Variants in COL24A1 observed in about 807,000 individuals in gnomAD.
The protein encoded by COL24A1 is collagen alpha-1(XXIV) chain.
Under a neutral mutation model 253.9 loss-of-function variants are expected in COL24A1, and 224 were observed. The observed-to-expected ratio is 0.88, with a 90% CI of 0.79 to 0.99. COL24A1 has a LOEUF of 0.99. COL24A1 is among the 50% of genes least tolerant of loss of function. The probability of loss-of-function intolerance (pLI) is 0.00; values close to 1 mark genes in which losing one functional copy is unlikely to be tolerated. For missense variants in COL24A1, 2,131 were observed against 2,068.5 expected (o/e 1.03, Z -0.59); for synonymous variants, 685 against 673.7 (o/e 1.02, Z -0.26).
intron 55 of COL24A1, among the ~76,000 whole-genome samples, chr1:85,747,723 G>GT (rs1665406385): frequency 1.3e-5 from 2 of 152,056 alleles, no homozygotes; most frequent in African/African-American, 4.8e-5. Context: ...TTTAAGTCGT[G>GT]TTTTTCAAAT....
chr1:86,143,310 T>C (rs1288237695), intron 2 of COL24A1, among the ~76,000 whole-genome samples: 2 of 152,074 alleles, frequency 1.3e-5, no homozygotes. Context: ...AGAAGGAATA[T>C]CTCCAAGAAA....
chr1:86,152,702 A>G (rs1420028639), intron 1 of COL24A1, among the ~76,000 whole-genome samples: 1 of 152,216 alleles, frequency 6.6e-6, no homozygotes, highest in African/African-American at 2.4e-5. Context: ...GGAGGGAAGA[A>G]AAATACATCT....
chr1:85,862,581 A>G (rs1679282648), intron 37 of COL24A1, among the ~76,000 whole-genome samples: 1 of 152,168 alleles, frequency 6.6e-6, no homozygotes, highest in African/African-American at 2.4e-5. Context: ...TCATGTGTGA[A>G]CATATAAATC....
chr1:85,871,172 C>T (rs1030977388), intron 35 of COL24A1, among the ~76,000 whole-genome samples: 3 of 152,106 alleles, frequency 2.0e-5, no homozygotes, highest in Admixed American at 6.6e-5. Context: ...CCTGAATAGA[C>T]CAATAATAGG....
At chr1:85,827,607 T>C (rs1251273804) in intron 43 of COL24A1, among the ~76,000 whole-genome samples, 3 of 152,102 alleles carry the variant, frequency 2.0e-5, no homozygotes, top group Non-Finnish European at 2.9e-5. Flanking sequence ...TTTCAGCTCG[T>C]TATTGATCTA....
At chr1:86,138,282 T>C (rs1404428372) in intron 2 of COL24A1, among the ~76,000 whole-genome samples, 1 of 152,154 alleles carries the variant, frequency 6.6e-6, no homozygotes, top group Non-Finnish European at 1.5e-5. Context: ...GTTCTGTGAG[T>C]CCTTCTAAAG....
intron 32 of COL24A1, among the ~76,000 whole-genome samples, chr1:85,886,733 A>G (rs1419696395): frequency 6.6e-6 from 1 of 152,120 alleles, no homozygotes; most frequent in East Asian, 1.9e-4. Flanking sequence ...TATATCTGTG[A>G]TATATTAATA....
chr1:86,023,718 G>C (rs12405887), intron 14 of COL24A1, among the ~76,000 whole-genome samples: 1 of 151,920 alleles, frequency 6.6e-6, no homozygotes, highest in Non-Finnish European at 1.5e-5. Context: ...AAGAGACTTA[G>C]AAAAAACTTC....
At chr1:85,834,140 T>C (rs1490035271) in intron 43 of COL24A1, among the ~76,000 whole-genome samples, 2 of 150,548 alleles carry the variant, frequency 1.3e-5, no homozygotes, top group African/African-American at 4.9e-5. Flanking sequence ...AAAAAAAAAG[T>C]AAATACAAAA....
At chr1:86,052,731 A>T (rs933403764) in intron 10 of COL24A1, among the ~76,000 whole-genome samples, 4 of 152,014 alleles carry the variant, frequency 2.6e-5, no homozygotes, top group African/African-American at 9.7e-5. Flanking sequence ...ACATGGAAAA[A>T]ATTTTATGTT....
chr1:86,038,511 T>C (rs1309508593), intron 12 of COL24A1, among the ~76,000 whole-genome samples: 2 of 152,090 alleles, frequency 1.3e-5, no homozygotes, highest in Non-Finnish European at 1.5e-5. Flanking sequence ...CTAAACATTA[T>C]TAAACTGTGG....
chr1:85,872,910 A>C (rs550801317), intron 35 of COL24A1, among the ~76,000 whole-genome samples: 49 of 152,340 alleles, frequency 3.2e-4, no homozygotes, highest in African/African-American at 1.1e-3. Context: ...CAACCTACAG[A>C]ATGGGAGAAA....
chr1:86,056,856 C>CA (rs369894155), intron 10 of COL24A1, among the ~76,000 whole-genome samples: 1,571 of 95,790 alleles, frequency 0.016, 6 homozygotes, highest in African/African-American at 0.021. Flanking sequence ...TCTGTCTCAC[C>CA]AAAAAAAAAA....
intron 11 of COL24A1, among the ~76,000 whole-genome samples, chr1:86,048,227 A>T (rs1700052920): frequency 6.6e-6 from 1 of 152,164 alleles, no homozygotes; most frequent in African/African-American, 2.4e-5. Context: ...ACATATGTGT[A>T]TACACACAAT....
chr1:86,081,389 C>T (rs1216807242), intron 7 of COL24A1, among the ~76,000 whole-genome samples: 1 of 151,852 alleles, frequency 6.6e-6, no homozygotes, highest in Non-Finnish European at 1.5e-5. Context: ...TCATTTATGT[C>T]TAAAAGTTCA....
intron 47 of COL24A1, among the ~76,000 whole-genome samples, chr1:85,811,697 C>T (rs1290982495): frequency 6.6e-6 from 1 of 152,194 alleles, no homozygotes; most frequent in Non-Finnish European, 1.5e-5. Context: ...ATTTGCATTT[C>T]CCTAATGGTA....
At chr1:85,808,352 GA>G (rs1322449912) in intron 47 of COL24A1, among the ~76,000 whole-genome samples, 2 of 152,166 alleles carry the variant, frequency 1.3e-5, no homozygotes, top group East Asian at 3.9e-4. Flanking sequence ...CGGGTTGGGG[GA>G]TGATGCCAAT....
intron 31 of COL24A1, 118 bp downstream of exon 31, chr1:85,895,740 C>T: frequency 1.3e-6 from 1 of 791,366 alleles, no homozygotes; most frequent in Non-Finnish European, 2.1e-6. Context: ...ACATTGTATA[C>T]TGCAAATATA....
chr1:86,005,147 G>A (rs949226111), intron 19 of COL24A1, among the ~76,000 whole-genome samples: 1 of 152,076 alleles, frequency 6.6e-6, no homozygotes, highest in Admixed American at 6.6e-5. Context: ...GATTGACAGA[G>A]GCCACAGTTC....
Sources: allele counts gnomAD v4.1 joint callset (sites outside exome capture counted in the v4.1 genomes callset), GRCh38; gene constraint gnomAD v4.1.1; transcripts MANE v1.5; gene names NCBI Gene and HGNC (gene_info 2026-07-23, HGNC 2026-07-21).